PTPRG: variants seen among roughly 807,000 people sequenced by gnomAD.
PTPRG encodes receptor-type tyrosine-protein phosphatase gamma.
A neutral mutation model predicts 165.3 loss-of-function variants in PTPRG; 102 were observed. That is an observed-to-expected ratio of 0.62 (90% confidence interval 0.53 to 0.73). The LOEUF (loss-of-function observed/expected upper bound fraction) is 0.73. Among genes scored for constraint, PTPRG ranks in the 30% least tolerant of loss-of-function variants. The probability of loss-of-function intolerance (pLI) is 0.00; values close to 1 mark genes in which losing one functional copy is unlikely to be tolerated. For missense variants in PTPRG, 1,866 were observed against 1,861.4 expected (o/e 1.00, Z -0.05); for synonymous variants, 675 against 669.5 (o/e 1.01, Z -0.13).
intron 4 of PTPRG, among the ~76,000 whole-genome samples, chr3:62,035,740 A>T (rs1390678989): frequency 6.6e-6 from 1 of 152,228 alleles, no homozygotes; most frequent in Non-Finnish European, 1.5e-5. Flanking sequence ...GACATTTATC[A>T]TTCTCTAATG....
intron 1 of PTPRG, among the ~76,000 whole-genome samples, chr3:61,721,018 C>G (rs2032022100): frequency 6.6e-6 from 1 of 152,228 alleles, no homozygotes; most frequent in South Asian, 2.1e-4. Context: ...AATCAGACAT[C>G]TCTCTGGTGA....
chr3:61,797,041 G>C (rs541804856), intron 2 of PTPRG, among the ~76,000 whole-genome samples: 18 of 152,190 alleles, frequency 1.2e-4, no homozygotes, highest in Non-Finnish European at 2.5e-4. Context: ...GTAGGAAAAC[G>C]TAGAGCAGCT....
At chr3:62,102,305 C>T (rs143802480) in intron 5 of PTPRG, among the ~76,000 whole-genome samples, 103 of 152,184 alleles carry the variant, frequency 6.8e-4, no homozygotes, top group African/African-American at 2.2e-3. Context: ...GATGGAGTCT[C>T]GCTCTGTTGC....
At chr3:62,109,561 G>T (rs1702593979) in intron 5 of PTPRG, among the ~76,000 whole-genome samples, 1 of 152,112 alleles carries the variant, frequency 6.6e-6, no homozygotes, top group Non-Finnish European at 1.5e-5. Context: ...GTTTAAAGTA[G>T]TTTTTTTCCC....
intron 6 of PTPRG, among the ~76,000 whole-genome samples, chr3:62,139,369 G>T (rs966468554): frequency 6.6e-6 from 1 of 152,114 alleles, no homozygotes; most frequent in Non-Finnish European, 1.5e-5. Flanking sequence ...TGAGGCAGGA[G>T]AATCGCTTGA....
intron 28 of PTPRG, among the ~76,000 whole-genome samples, chr3:62,288,444 G>A (rs766263509): frequency 6.6e-6 from 1 of 152,164 alleles, no homozygotes; most frequent in Non-Finnish European, 1.5e-5. Flanking sequence ...GGAGGCCAAG[G>A]CGGGCAGATC....
chr3:62,200,294 C>G (rs1360783430), intron 10 of PTPRG, among the ~76,000 whole-genome samples: 2 of 151,566 alleles, frequency 1.3e-5, no homozygotes, highest in African/African-American at 4.9e-5. Flanking sequence ...TTTTTTGAGA[C>G]AAAGTCTTGC....
chr3:61,748,819 C>T, intron 1 of PTPRG, 59 bp from the exon 2 acceptor site: 1 of 1,408,030 alleles, frequency 7.1e-7, no homozygotes, highest in Non-Finnish European at 1.0e-6. Context: ...CATTTGACAC[C>T]CTTCCTGTAT....
At chr3:61,874,511 CTT>C (rs2037669995) in intron 2 of PTPRG, among the ~76,000 whole-genome samples, 1 of 147,856 alleles carries the variant, frequency 6.8e-6, no homozygotes, top group African/African-American at 2.4e-5. Flanking sequence ...CTTTTTCTTT[CTT>C]CCTTTTTTTT....
rs149390658 is a variant in PTPRG at position 62,011,321 on chromosome 3, A to C, written c.519+7824A>C. 4.8e-3 allele frequency among the ~76,000 whole-genome samples: 729 copies of C among 152,266 alleles called. 3 individuals carry two copies. Among genetic ancestry groups the C allele is most frequent in the African/African-American group, 0.017 (687 of 41,546 alleles). On this transcript the variant is annotated intron_variant, in intron 4 of 29. Coordinates refer to ENST00000474889, the MANE Select transcript of PTPRG (RefSeq NM_002841.4). Reference sequence around the variant, plus strand: ...GGGGCGGGTCGGAGGTTCTACGGGAACCCTTCCCTTACTGTCTGCCTATAG... The same window carrying C: ...GGGGCGGGTCGGAGGTTCTACGGGACCCCTTCCCTTACTGTCTGCCTATAG...
intron 2 of PTPRG, among the ~76,000 whole-genome samples, chr3:61,954,102 CGA>C (rs2039967032): frequency 1.3e-5 from 2 of 152,134 alleles, no homozygotes; most frequent in African/African-American, 4.8e-5. Flanking sequence ...GTAATTTTGA[CGA>C]TGCCCTGCTT....
At position 62,026,353 on chromosome 3, in the gene PTPRG, A is replaced by C. The variant is rs2041803801; in HGVS notation, c.519+22856A>C. On this transcript the variant is annotated intron_variant, in intron 4 of 29. Transcript: ENST00000474889. ...TACTTGTTCTTATTTTTTACTTCCT[A>C]GACAAGCTCTTATGTTCCATGTGTC... 2.0e-5 allele frequency among the ~76,000 whole-genome samples: 3 copies of C among 152,266 alleles called. No homozygotes were observed. The South Asian group carries it at 6.2e-4, about 32-fold the overall frequency.
At chr3:61,666,738 C>A (rs972128417) in intron 1 of PTPRG, among the ~76,000 whole-genome samples, 1 of 152,210 alleles carries the variant, frequency 6.6e-6, no homozygotes, top group Admixed American at 6.5e-5. Flanking sequence ...CCATCCTGTT[C>A]ATCGTAGGGT....
At chr3:62,198,408 A>C (rs944889831) in intron 10 of PTPRG, among the ~76,000 whole-genome samples, 1 of 152,276 alleles carries the variant, frequency 6.6e-6, no homozygotes, top group East Asian at 1.9e-4. Context: ...AAAGAGTAAA[A>C]ATTACCAAAT....
intron 2 of PTPRG, among the ~76,000 whole-genome samples, chr3:61,820,305 AGG>A (rs2035912733): frequency 6.6e-6 from 1 of 152,152 alleles, no homozygotes; most frequent in African/African-American, 2.4e-5. Flanking sequence ...TTAAACACTC[AGG>A]CAGAGAGAAG....
chr3:61,759,941 C>A (rs1346435970), intron 2 of PTPRG, among the ~76,000 whole-genome samples: 1 of 151,984 alleles, frequency 6.6e-6, no homozygotes, highest in Non-Finnish European at 1.5e-5. Context: ...AGAATTTGAT[C>A]TCGTGGATTT....
At chr3:62,127,790 G>A (rs115960105) in intron 5 of PTPRG, among the ~76,000 whole-genome samples, 2,343 of 152,224 alleles carry the variant, frequency 0.015, 49 homozygotes, top group African/African-American at 0.053. Flanking sequence ...ATATCTGAAC[G>A]CAGGCACATG....
intron 2 of PTPRG, among the ~76,000 whole-genome samples, chr3:61,821,306 A>C (rs2035948418): frequency 6.6e-6 from 1 of 152,102 alleles, no homozygotes; most frequent in Non-Finnish European, 1.5e-5. Flanking sequence ...TGTAGCTGGG[A>C]CTACAGGCGC....
chr3:62,122,918 A>C (rs1703131094), intron 5 of PTPRG, among the ~76,000 whole-genome samples: 1 of 152,156 alleles, frequency 6.6e-6, no homozygotes, highest in African/African-American at 2.4e-5. Context: ...CAGGGCCCCC[A>C]ACCTGTCTTG....
Sources: allele counts gnomAD v4.1 joint callset (sites outside exome capture counted in the v4.1 genomes callset), GRCh38; gene constraint gnomAD v4.1.1; transcripts MANE v1.5; gene names NCBI Gene and HGNC (gene_info 2026-07-23, HGNC 2026-07-21).